The following NR4A1 variants were observed in gnomAD, a reference collection of about 807,000 sequenced individuals.
NR4A1 encodes the protein nuclear receptor subfamily 4immunitygroup A member 1.
A neutral mutation model predicts 47.5 loss-of-function variants in NR4A1; 24 were observed. The ratio of observed to expected loss-of-function variants is 0.50; its 90% CI spans 0.37 to 0.71. The LOEUF (loss-of-function observed/expected upper bound fraction) is 0.71. Ranked by LOEUF, NR4A1 falls within the 30% of genes least tolerant of loss-of-function variation. The pLI, the probability that NR4A1 is intolerant of heterozygous loss-of-function variation, is 0.00. For synonymous variants in NR4A1, 353 were observed against 345.7 expected (o/e 1.02, Z -0.24); for missense variants, 669 against 788.6 (o/e 0.85, Z 1.82).
chr12:52,024,146 G>GT lies in NR4A1; in HGVS notation c.-84+1208dup, dbSNP rs1258997032. On this transcript the variant is annotated intron_variant, in intron 1 of 7. Transcript: ENST00000360284. The stretch of plus-strand genomic sequence containing the variant: ...ACCCTTTGTAACCGCGAAGGAGCCT[G>GT]TGAGTGTGAGGTATGGTTGTTATCA... Among the ~76,000 whole-genome samples the GT allele has an allele frequency of 3.9e-5, 6 of 152,352 alleles. No individual in the cohort carries two copies. In the South Asian group the frequency reaches 1.2e-3, roughly 32 times the overall value.
At chr12:52,055,601 G>T in intron 2 of NR4A1, 1 of 449,366 alleles carries the variant, frequency 2.2e-6, no homozygotes, top group Non-Finnish European at 3.9e-6. Flanking sequence ...GGAGGGTTTG[G>T]TTCTTGAGGG....
chr12:52,033,028 T>C (rs1938160010), intron 1 of NR4A1, among the ~76,000 whole-genome samples: 1 of 152,136 alleles, frequency 6.6e-6, no homozygotes, highest in South Asian at 2.1e-4. Context: ...GTGCTATTGG[T>C]CGGAGGGGCG....
chr12:52,051,534 C>A lies in NR4A1; in HGVS notation c.-37C>A. 1.0e-6 allele frequency: 1 copy of A among 985,892 alleles called. No individual in the cohort carries two copies. Among genetic ancestry groups the A allele is most frequent in the Non-Finnish European group, 1.2e-6 (1 of 830,298 alleles). 61.1% of individuals were successfully genotyped at this position (985,892 alleles called of 1,614,324 possible). On this transcript the variant is annotated 5_prime_UTR_variant, in exon 1 of 7. Transcript: ENST00000394825. ...CCAGGGACCAGGCTGAGACTCGGGG[C>A]GCCAGTCCGGGCAGGGGCAGCGGGA...
intron 2 of NR4A1, chr12:52,055,597 T>C (rs963796486): frequency 2.6e-5 from 12 of 455,964 alleles, no homozygotes; most frequent in Non-Finnish European, 4.6e-5. Context: ...CTGCGGAGGG[T>C]TTGGTTCTTG....
In NR4A1 at chr12:52,058,932, G is replaced by T; in HGVS notation, c.1785G>T (p.Thr595=). ...TCATTGACAAGATCTTCATGGACACGCTGCCCTTCTGACCCCTGCCTGGGA... is the reference window on the plus strand; with the variant it reads ...TCATTGACAAGATCTTCATGGACACTCTGCCCTTCTGACCCCTGCCTGGGA... ...PPIIDKIFMD[T]LPF Residue 595 remains threonine (T), a synonymous_variant, in exon 7 of 7, where the codon ACG becomes ACT. Coordinates refer to ENST00000394825, the MANE Select transcript of NR4A1 (RefSeq NM_173157.3). 1 of 1,611,710 alleles carries T rather than the reference G, an allele frequency of 6.2e-7. No individual in the cohort carries two copies. Among genetic ancestry groups the T allele is most frequent in the Non-Finnish European group, 8.5e-7 (1 of 1,178,148 alleles).
At chr12:52,035,588 C>T (rs1272628450) in intron 1 of NR4A1, among the ~76,000 whole-genome samples, 1 of 152,106 alleles carries the variant, frequency 6.6e-6, no homozygotes, top group African/African-American at 2.4e-5. Flanking sequence ...AAAGTCAGTC[C>T]CTTTCCCCCA....
intron 2 of NR4A1, among the ~76,000 whole-genome samples, chr12:52,042,923 T>C (rs1191889485): frequency 6.6e-6 from 1 of 152,114 alleles, no homozygotes; most frequent in African/African-American, 2.4e-5. Flanking sequence ...CCTTGAGAAA[T>C]CCCGGATGAA....
intron 1 of NR4A1, among the ~76,000 whole-genome samples, chr12:52,035,740 A>G: frequency 6.6e-6 from 1 of 152,190 alleles, no homozygotes; most frequent in East Asian, 1.9e-4. Context: ...AATCATTATG[A>G]AGAATGAGAG....
At chr12:52,030,186 G>T (rs1297723439) in intron 1 of NR4A1, among the ~76,000 whole-genome samples, 1 of 152,198 alleles carries the variant, frequency 6.6e-6, no homozygotes, top group African/African-American at 2.4e-5. Context: ...CCCTTCCTTA[G>T]GCCCTGTCTC....
At position 52,043,589 on chromosome 12, in the gene NR4A1, T is replaced by C. The variant is rs982074159; in HGVS notation, c.37+1660T>C. 3.8e-6 allele frequency: 3 copies of C among 793,542 alleles called. No homozygotes were observed. The South Asian group carries it at 5.4e-5, about 14-fold the overall frequency. 49.2% of individuals were successfully genotyped at this position (793,542 alleles called of 1,614,324 possible). On this transcript the variant is annotated intron_variant, in intron 2 of 7. Transcript: ENST00000360284. ...TGCTGGGGCTCCCGTCAGCTGACTA[T>C]TTTGGGCTCTTGCTGACCTGGGCCA...
At chr12:52,057,791 C>G (rs1168350652) in intron 6 of NR4A1, among the ~76,000 whole-genome samples, 1 of 152,216 alleles carries the variant, frequency 6.6e-6, no homozygotes. Context: ...TGTATGTGGC[C>G]TAGGGTATTG....
chr12:52,054,535 C>T lies in NR4A1; in HGVS notation c.207C>T (p.Tyr69=), dbSNP rs1939146451. ...GYTGEFDTFL[Y]QLPGTVQPCS... ...CAGGAGAGTTTGACACCTTCCTCTA[C>T]CAGCTGCCAGGAACAGTCCAGCCAT... Residue 69 remains tyrosine (Y), a synonymous_variant, in exon 2 of 7, where the codon TAC becomes TAT. Coordinates refer to ENST00000394825, the MANE Select transcript of NR4A1 (RefSeq NM_173157.3). The T allele has an allele frequency of 1.2e-6, 2 of 1,613,956 alleles. No homozygotes were observed. The highest frequency in any genetic ancestry group is 1.1e-5 in the South Asian group (1 of 91,094).
chr12:52,038,379 A>G (rs1436543435), intron 1 of NR4A1: 2 of 259,246 alleles, frequency 7.7e-6, no homozygotes, highest in African/African-American at 4.5e-5. Flanking sequence ...TTCCCTTTTT[A>G]TGCCTTCGTT....
At chr12:52,040,775 G>A (rs1311969030) in intron 1 of NR4A1, among the ~76,000 whole-genome samples, 2 of 152,160 alleles carry the variant, frequency 1.3e-5, no homozygotes, top group Admixed American at 1.3e-4. Flanking sequence ...CACCCTCTGG[G>A]GTCCTCCTCC....
Position 52,034,980 on chromosome 12 carries a change from TG to T in NR4A1, c.-83-6829del, listed in dbSNP as rs59153242. Among the ~76,000 whole-genome samples, 1,130 of 152,298 alleles carry T rather than the reference TG, an allele frequency of 7.4e-3. 13 individuals carry two copies. The highest frequency in any genetic ancestry group is 0.026 in the African/African-American group (1,093 of 41,552). ...TGAGATAGGTTTCTTATCATCTTTG[TG>T]TTTGAGGTGAGGAAACTGAAGCCCA... is the stretch of plus-strand genomic sequence containing the variant. On this transcript the variant is annotated intron_variant, in intron 1 of 7. Transcript: ENST00000360284.
chr12:52,041,195 T>A (rs950611193), intron 1 of NR4A1, among the ~76,000 whole-genome samples: 25 of 152,202 alleles, frequency 1.6e-4, no homozygotes, highest in Non-Finnish European at 3.1e-4. Context: ...AACTTTTTTT[T>A]AAGCCTGCTG....
chr12:52,056,535 C>T lies in NR4A1; in HGVS notation c.1048C>T (p.Pro350Ser), dbSNP rs990703744. Residue 350 changes from proline to serine, a missense_variant, in exon 4 of 7, where the codon CCT becomes TCT. Physicochemically the swap from Pro to Ser is moderately conservative, Grantham distance 74. Coordinates refer to ENST00000394825, the MANE Select transcript of NR4A1 (RefSeq NM_173157.3). ...DSLKGRRGRL[P>S]SKPKQPPDAS... ...CCTGAAGGGGCGGCGGGGCCGGCTA[C>T]CTTCAAAACCCAAGCAGCCCCCAGA... 2.5e-6 allele frequency: 4 copies of T among 1,613,580 alleles called. No individual in the cohort carries two copies. Among genetic ancestry groups the T allele is most frequent in the Non-Finnish European group, 2.5e-6 (3 of 1,179,820 alleles).
intron 1 of NR4A1, among the ~76,000 whole-genome samples, chr12:52,052,994 C>G (rs1939064778): frequency 6.6e-6 from 1 of 152,120 alleles, no homozygotes; most frequent in Non-Finnish European, 1.5e-5. Context: ...AGAAGGAAGG[C>G]TAGGACCAGA....
chr12:52,059,054 G>C lies in NR4A1; in HGVS notation c.*110G>C. 1 of 1,347,038 alleles carries C rather than the reference G, an allele frequency of 7.4e-7. No individual in the cohort carries two copies. The highest frequency in any genetic ancestry group is 1.0e-6 in the Non-Finnish European group (1 of 1,001,044). The allele number at this position is 1,347,038 out of a possible 1,614,324, so 83.4% of individuals were successfully genotyped here. On this transcript the variant is annotated 3_prime_UTR_variant, in exon 7 of 7. Coordinates refer to ENST00000394825, the MANE Select transcript of NR4A1 (RefSeq NM_173157.3). ...CAAGCCTGGGCTTGAGCTGCAGAAT[G>C]ACTCCACCTTCTCACCTGCTCCAGG...
Sources: gnomAD v4.1 joint callset for allele counts (sites outside exome capture counted in the v4.1 genomes callset) on GRCh38, gnomAD v4.1.1 for gene constraint, MANE v1.5 for transcripts, NCBI Gene and HGNC (gene_info 2026-07-23, HGNC 2026-07-21) for gene names.